The following AKAP17A variants were observed in gnomAD, a reference collection of about 807,000 sequenced individuals.
The protein encoded by AKAP17A is A-kinase anchor protein 17A.
AKAP17A carries 15 observed loss-of-function variants against 52.2 expected under a neutral mutation model. That is an observed-to-expected ratio of 0.29 (90% CI 0.19 to 0.44). The LOEUF is 0.44. Among genes scored for constraint, AKAP17A ranks in the 20% least tolerant of loss-of-function variants. AKAP17A has a pLI of 1.00. For synonymous variants in AKAP17A, 514 were observed against 424.7 expected, an observed-to-expected ratio of 1.21 and a Z score of -2.58; for missense variants, 1,060 against 1,007.0, an observed-to-expected ratio of 1.05 and a Z score of -0.71.
chrX:1,598,199 C>G (rs1278021750), intron 3 of AKAP17A, among the ~76,000 whole-genome samples: 1 of 148,858 alleles, frequency 6.7e-6, no homozygotes, highest in Non-Finnish European at 1.5e-5. Flanking sequence ...GCGGTGACAG[C>G]TCACAGGGCG....
chrX:1,601,677 G>A lies in AKAP17A; in HGVS notation c.*83G>A, dbSNP rs1275954448. 1.9e-5 allele frequency: 25 copies of A among 1,288,084 alleles called. No individual in the cohort carries two copies. The highest frequency in any genetic ancestry group is 7.1e-5 in the Admixed American group (2 of 28,314). 79.8% of individuals were successfully genotyped at this position (1,288,084 alleles called of 1,614,324 possible). A position where few individuals can be genotyped will look rare whatever the true frequency, so the allele number is the denominator to read the frequency against. On this transcript the variant is annotated 3_prime_UTR_variant, in exon 5 of 5. Coordinates refer to ENST00000313871, the MANE Select transcript of AKAP17A (RefSeq NM_005088.3). ...CCTGGCCGCTCCTTGGCCGCTCTCC[G>A]TCCACCCCTGCAAAGCCAAGACCCT...
chrX:1,601,319 C>A lies in AKAP17A; in HGVS notation c.1813C>A (p.Arg605=). 1 of 1,600,820 alleles carries A rather than the reference C, an allele frequency of 6.2e-7. No individual in the cohort carries two copies. Among genetic ancestry groups the A allele is most frequent in the Non-Finnish European group, 8.5e-7 (1 of 1,175,690 alleles). The change falls in exon 5 of 5, where the codon CGG becomes AGG. Residue 605 remains arginine, a synonymous_variant. Coordinates refer to ENST00000313871, the MANE Select transcript of AKAP17A (RefSeq NM_005088.3). The part of the protein sequence containing the change: ...LADRHKRERS[R]ARRASSREDG... ...TGACCGGCACAAGCGGGAGAGGAGC[C>A]GGGCCAGGCGGGCCAGCAGCAGGGA...
rs758981005 is a variant in AKAP17A, at chrX:1,601,038, G to A, written c.1532G>A (p.Ser511Asn). The A allele has an allele frequency of 1.2e-6, 2 of 1,612,646 alleles. No homozygotes were observed. Among genetic ancestry groups the A allele is most frequent in the Admixed American group, 3.3e-5 (2 of 59,952 alleles). The change falls in exon 5 of 5, where the codon AGC (serine) becomes AAC (asparagine). Residue 511 changes from serine to asparagine, a missense_variant. Physicochemically the swap from Ser to Asn is conservative, Grantham distance 46 (BLOSUM62 1). Transcript: ENST00000313871. Reference sequence around the variant, plus strand: ...CCAGAGGCCGACGGCGCTCCCAAAAGCGTGAACGGGAGCGTGGCCGAGGAG... The same window carrying A: ...CCAGAGGCCGACGGCGCTCCCAAAAACGTGAACGGGAGCGTGGCCGAGGAG... ...AHPEADGAPKSVNGSVAEEAP... is the reference protein window; with the variant it reads ...AHPEADGAPKNVNGSVAEEAP...
At chrX:1,599,526 C>G in intron 4 of AKAP17A, 94 bp downstream of exon 4, 1 of 1,518,516 alleles carries the variant, frequency 6.6e-7, no homozygotes, top group Non-Finnish European at 8.9e-7. Context: ...CGCCGTTTCC[C>G]CGCCGGCTGC....
chrX:1,593,741 G>T lies in AKAP17A; in HGVS notation c.279G>T (p.Leu93=). ...ACAAGAGCCTGGTCAAGTCTTTTCT[G>T]GCCTGCCTGGACGGCAAGACCATCA... The part of the protein sequence containing the change: ...VENKSLVKSF[L]ACLDGKTIKL... Residue 93 remains leucine (L), a synonymous_variant, in exon 2 of 5, where the codon CTG becomes CTT. Coordinates refer to ENST00000313871, the MANE Select transcript of AKAP17A (RefSeq NM_005088.3). 1 of 1,613,972 alleles carries T rather than the reference G, an allele frequency of 6.2e-7. No homozygotes were observed. The highest frequency in any genetic ancestry group is 1.3e-5 in the African/African-American group (1 of 75,044).
chrX:1,595,326 G>GC (rs1325543154), intron 2 of AKAP17A, 58 bp from the exon 3 acceptor site: 1 of 1,607,778 alleles, frequency 6.2e-7, no homozygotes. Flanking sequence ...AGGGCGCCTG[G>GC]CCGTGTGTCT....
In AKAP17A at chrX:1,599,244, C is replaced by G. The variant is rs1933208586; in HGVS notation, c.964C>G (p.Leu322Val). Residue 322 changes from leucine to valine, a missense_variant, in exon 4 of 5, where the codon CTT (leucine) becomes GTT (valine). Leu to Val is a conservative substitution (Grantham distance 32). This residue lies in a region of AKAP17A where 793 missense variants were observed against 629.9 expected (regional missense o/e 1.26). Coordinates refer to ENST00000313871, the MANE Select transcript of AKAP17A (RefSeq NM_005088.3). ...LERERKREEKLRKREQKQRDR... is the reference protein window; with the variant it reads ...LERERKREEKVRKREQKQRDR... ...GCGAGAGAGGAAAAGAGAAGAGAAG[C>G]TTCGCAAGAGGGAGCAGAAGCAGAG... The G allele has an allele frequency of 1.2e-5, 20 of 1,612,580 alleles. No homozygotes were observed. Among genetic ancestry groups the G allele is most frequent in the Non-Finnish European group, 1.6e-5 (19 of 1,179,854 alleles).
At chrX:1,597,787 AC>A (rs1169466512) in intron 3 of AKAP17A, among the ~76,000 whole-genome samples, 1 of 151,114 alleles carries the variant, frequency 6.6e-6, no homozygotes, top group Non-Finnish European at 1.5e-5. Flanking sequence ...CAGGGAAGGG[AC>A]CCCGTCTGCC....
intron 3 of AKAP17A, among the ~76,000 whole-genome samples, chrX:1,597,651 C>A (rs191693518): frequency 6.6e-6 from 1 of 151,942 alleles, no homozygotes; most frequent in Non-Finnish European, 1.5e-5. Flanking sequence ...GAGCCTCGGA[C>A]CTCTCGGTGT....
rs770295166 is a variant in AKAP17A, at chrX:1,600,901, G to A, written c.1395G>A (p.Gln465=). ...ELGVAHADLL[Q]PVLDILQTVS... Reference sequence around the variant, plus strand: ...GCGTGGCACACGCCGACCTGCTGCAGCCCGTCCTGGACATCCTGCAGACCG... The same window carrying A: ...GCGTGGCACACGCCGACCTGCTGCAACCCGTCCTGGACATCCTGCAGACCG... Residue 465 remains glutamine, a synonymous_variant, in exon 5 of 5, where the codon CAG becomes CAA. Coordinates refer to ENST00000313871, the MANE Select transcript of AKAP17A (RefSeq NM_005088.3). 1.3e-6 allele frequency: 2 copies of A among 1,575,656 alleles called. No homozygotes were observed. The highest frequency in any genetic ancestry group is 2.3e-5 in the South Asian group (2 of 87,566).
intron 3 of AKAP17A, among the ~76,000 whole-genome samples, chrX:1,596,226 TAA>T (rs561491812): frequency 3.7e-5 from 5 of 133,946 alleles, no homozygotes; most frequent in Admixed American, 7.5e-5. Flanking sequence ...TGGCCAGATT[TAA>T]AAAAAAAAAA....
chrX:1,598,421 T>A (rs1344901281), intron 3 of AKAP17A, among the ~76,000 whole-genome samples: 1 of 152,182 alleles, frequency 6.6e-6, no homozygotes, highest in Non-Finnish European at 1.5e-5. Context: ...GCGGGCTTTG[T>A]GGCCTCACTA....
At chrX:1,593,298 C>T in intron 1 of AKAP17A, 146 bp from the exon 2 acceptor site, 1 of 807,786 alleles carries the variant, frequency 1.2e-6, no homozygotes, top group South Asian at 1.7e-5. Context: ...TGGCTGTTAA[C>T]AAAGTGGAAA....
In AKAP17A at chrX:1,597,820, G is replaced by C. The variant is rs1357474718; in HGVS notation, c.912-1372G>C. 8.5e-5 allele frequency among the ~76,000 whole-genome samples: 13 copies of C among 152,236 alleles called. No individual in the cohort carries two copies. In the Middle Eastern group the frequency reaches 0.014, roughly 159 times the overall value. ...TGCCTGGCCAGACCACAGAGGGATT[G>C]GGGGAAGCGGGGCCGGGCCATGAGG... On this transcript the variant is annotated intron_variant, in intron 3 of 4. Coordinates refer to ENST00000313871, the MANE Select transcript of AKAP17A (RefSeq NM_005088.3).
intron 4 of AKAP17A, 175 bp downstream of exon 4, chrX:1,599,607 T>C: frequency 1.1e-6 from 1 of 914,638 alleles, no homozygotes; most frequent in East Asian, 2.6e-5. Context: ...AGCGCTCGTC[T>C]GTCGTTCCCG....
rs751829538 is a variant in AKAP17A at position 1,601,411 on chromosome X, C to T, written c.1905C>T (p.Arg635=). 2.6e-6 allele frequency: 4 copies of T among 1,565,454 alleles called. No homozygotes were observed. The highest frequency in any genetic ancestry group is 3.4e-6 in the Non-Finnish European group (4 of 1,163,170). Residue 635 remains arginine, a synonymous_variant, in exon 5 of 5, where the codon CGC becomes CGT. Coordinates refer to ENST00000313871, the MANE Select transcript of AKAP17A (RefSeq NM_005088.3). ...KKHAYKDDSP[R]RRSTSPDHTR... ...ACGCCTACAAGGATGACAGCCCCCG[C>T]CGGCGCAGCACGAGCCCGGACCACA...
Position 1,601,908 on chromosome X carries a change from A to G in AKAP17A, c.*314A>G. ...AGACCGACAGTCGTGAGGATGGCAG[A>G]GCTGCTGCATTCCCCCACACGGGGA... On this transcript the variant is annotated 3_prime_UTR_variant, in exon 5 of 5. Coordinates refer to ENST00000313871, the MANE Select transcript of AKAP17A (RefSeq NM_005088.3). 3.0e-6 allele frequency: 1 copy of G among 331,460 alleles called. No homozygotes were observed. Among genetic ancestry groups the G allele is most frequent in the Non-Finnish European group, 5.5e-6 (1 of 182,874 alleles). The allele number at this position is 331,460 out of a possible 1,614,324, so 20.5% of individuals were successfully genotyped here.
chrX:1,593,715 A>G lies in AKAP17A; in HGVS notation c.253A>G (p.Asn85Asp). Residue 85 changes from asparagine to aspartate, a missense_variant, in exon 2 of 5, where the codon AAC becomes GAC. By Grantham distance (23) the Asn-to-Asp change is conservative. Around this residue, in one of 2 missense-constraint regions of AKAP17A, gnomAD observed 267 missense variants for 377.1 expected, o/e 0.71. Coordinates refer to ENST00000313871, the MANE Select transcript of AKAP17A (RefSeq NM_005088.3). ...CATCCGCTTCGAGGGGGAGGTGGAG[A>G]ACAAGAGCCTGGTCAAGTCTTTTCT... is the stretch of plus-strand genomic sequence containing the variant. ...DFIRFEGEVE[N>D]KSLVKSFLAC... The G allele has an allele frequency of 6.2e-7, 1 of 1,613,966 alleles. No homozygotes were observed. Among genetic ancestry groups the G allele is most frequent in the Non-Finnish European group, 8.5e-7 (1 of 1,179,876 alleles).
chrX:1,601,455 AC>A lies in AKAP17A; in HGVS notation c.1950del (p.His650GlnfsTer102). 6.4e-7 allele frequency: 1 copy of A among 1,573,584 alleles called. No individual in the cohort carries two copies. The highest frequency in any genetic ancestry group is 8.6e-7 in the Non-Finnish European group (1 of 1,167,698). On this transcript the variant is annotated frameshift_variant, in exon 5 of 5. Transcript: ENST00000313871. LOFTEE classifies it high-confidence loss of function. ...SPDHTRSRRSHSKDRHRRERS... is the reference protein window; with the variant it reads ...SPDHTRSRRSXSKDRHRRERS... The stretch of plus-strand genomic sequence containing the variant: ...GACCACACCCGGTCCCGGAGGTCCC[AC>A]AGCAAAGACAGGCACCGGAGGGAGC...
Sources: allele counts gnomAD v4.1 joint callset (sites outside exome capture counted in the v4.1 genomes callset), GRCh38; gene constraint gnomAD v4.1.1; regional missense constraint gnomAD v4.1.1; transcripts MANE v1.5; gene names NCBI Gene and HGNC (gene_info 2026-07-23, HGNC 2026-07-21).